FAF1: variants seen among roughly 807,000 people sequenced by gnomAD.
FAF1 encodes the protein FAS-associated factor 1.
Under a neutral mutation model 92.5 loss-of-function variants are expected in FAF1, and 25 were observed. The ratio of observed to expected loss-of-function variants is 0.27; its 90% CI spans 0.20 to 0.38. FAF1 has a LOEUF of 0.38. Ranked by LOEUF, FAF1 falls within the 10% of genes least tolerant of loss-of-function variation. The probability of loss-of-function intolerance (pLI) is 1.00; values close to 1 mark genes in which losing one functional copy is unlikely to be tolerated. For missense variants in FAF1, 636 were observed against 793.3 expected (o/e 0.80, Z 2.38); for synonymous variants, 234 against 273.2 (o/e 0.86, Z 1.42).
intron 7 of FAF1, among the ~76,000 whole-genome samples, chr1:50,672,823 T>C (rs917044593): frequency 6.6e-6 from 1 of 152,190 alleles, no homozygotes; most frequent in Non-Finnish European, 1.5e-5. Context: ...TAATGTTATT[T>C]TAAAGTAGTC....
intron 1 of FAF1, among the ~76,000 whole-genome samples, chr1:50,928,894 G>A (rs1452141480): frequency 6.6e-6 from 1 of 151,526 alleles, no homozygotes. Flanking sequence ...GACCAGCCTG[G>A]CCAACACGGT....
rs549548483 is a variant in FAF1 at position 50,815,460 on chromosome 1, T to G, written c.115-13783A>C. On this transcript the variant is annotated intron_variant, in intron 2 of 18. Transcript: ENST00000396153. ...TATGTACCATATTTTCATTATCCAC[T>G]CTGTTGATGGACACCTAGATTGATT... Among the ~76,000 whole-genome samples, 8 of 152,306 alleles carry G rather than the reference T, an allele frequency of 5.3e-5. No homozygotes were observed. In the South Asian group the frequency reaches 1.5e-3, roughly 28 times the overall value.
intron 4 of FAF1, among the ~76,000 whole-genome samples, chr1:50,760,872 C>A (rs945868082): frequency 6.6e-6 from 1 of 151,946 alleles, no homozygotes; most frequent in African/African-American, 2.4e-5. Context: ...ACACAAAAAA[C>A]CCTTCAAAAA....
intron 6 of FAF1, among the ~76,000 whole-genome samples, chr1:50,734,766 G>A (rs1405977984): frequency 6.6e-6 from 1 of 151,530 alleles, no homozygotes; most frequent in Non-Finnish European, 1.5e-5. Context: ...AAAAACACAT[G>A]TAGTAGTACA....
intron 12 of FAF1, chr1:50,582,267 C>CAAG (rs1287767704): frequency 9.9e-6 from 2 of 201,464 alleles, no homozygotes; most frequent in Admixed American, 1.1e-4. Context: ...CAGTGCTTCA[C>CAAG]AAGGCCTTCT....
chr1:50,796,577 G>A (rs1244132494), intron 3 of FAF1, among the ~76,000 whole-genome samples: 1 of 152,076 alleles, frequency 6.6e-6, no homozygotes, highest in Non-Finnish European at 1.5e-5. Context: ...CCTGGTAGAT[G>A]TGTTCTAGCT....
chr1:50,517,509 C>G (rs1329215496), intron 15 of FAF1, among the ~76,000 whole-genome samples: 1 of 152,124 alleles, frequency 6.6e-6, no homozygotes, highest in African/African-American at 2.4e-5. Context: ...ATGTTAATAG[C>G]AGGTAGGTAC....
intron 8 of FAF1, among the ~76,000 whole-genome samples, chr1:50,653,177 A>C (rs938037363): frequency 8.7e-4 from 123 of 142,172 alleles, no homozygotes; most frequent in African/African-American, 3.7e-3. Flanking sequence ...AAAAACAACA[A>C]AAAAAAAACC....
At chr1:50,909,554 C>T (rs989138811) in intron 1 of FAF1, among the ~76,000 whole-genome samples, 11 of 152,176 alleles carry the variant, frequency 7.2e-5, no homozygotes, top group Non-Finnish European at 8.8e-5. Context: ...TCCCATATTT[C>T]TTGGAGGCTT....
intron 1 of FAF1, among the ~76,000 whole-genome samples, chr1:50,868,737 T>G (rs2124677808): frequency 6.6e-6 from 1 of 152,328 alleles, no homozygotes; most frequent in Non-Finnish European, 1.5e-5. Context: ...TGCTGTTGAT[T>G]TGTAATTTAA....
intron 6 of FAF1, among the ~76,000 whole-genome samples, chr1:50,737,876 G>A (rs1297938313): frequency 6.6e-6 from 1 of 151,366 alleles, no homozygotes; most frequent in Non-Finnish European, 1.5e-5. Flanking sequence ...AAATCACCAA[G>A]TTGTTGTATT....
chr1:50,622,377 C>T (rs190426666), intron 8 of FAF1, among the ~76,000 whole-genome samples: 1 of 152,166 alleles, frequency 6.6e-6, no homozygotes, highest in East Asian at 1.9e-4. Context: ...AGCTTCCTCC[C>T]TTTTCAGCCT....
chr1:50,561,749 C>T (rs1572835257), intron 13 of FAF1, among the ~76,000 whole-genome samples: 1 of 152,086 alleles, frequency 6.6e-6, no homozygotes, highest in Admixed American at 6.5e-5. Context: ...TCACTTGAAC[C>T]TGGGAGGTGG....
chr1:50,655,573 T>A (rs1655070987), intron 7 of FAF1, 45 bp from the exon 8 acceptor site: 1 of 1,193,180 alleles, frequency 8.4e-7, no homozygotes, highest in Non-Finnish European at 1.2e-6. Context: ...AATTTTCACA[T>A]GACTTACAGT....
intron 6 of FAF1, among the ~76,000 whole-genome samples, chr1:50,713,377 G>T (rs963559245): frequency 6.6e-6 from 1 of 151,604 alleles, no homozygotes; most frequent in Non-Finnish European, 1.5e-5. Context: ...AGGATCAAGC[G>T]ATTCTCCTGC....
intron 7 of FAF1, among the ~76,000 whole-genome samples, chr1:50,695,206 G>A (rs1290658148): frequency 1.3e-5 from 2 of 151,834 alleles, no homozygotes; most frequent in African/African-American, 2.4e-5. Flanking sequence ...TCAGGAGTTC[G>A]AGACCAACCT....
At chr1:50,509,383 AG>A (rs1364005682) in intron 15 of FAF1, among the ~76,000 whole-genome samples, 1 of 151,508 alleles carries the variant, frequency 6.6e-6, no homozygotes, top group Non-Finnish European at 1.5e-5. Context: ...AGGTTGAGGC[AG>A]GAGGACTGTT....
chr1:50,477,086 G>T (rs1646647938), intron 17 of FAF1, among the ~76,000 whole-genome samples: 1 of 152,190 alleles, frequency 6.6e-6, no homozygotes, highest in African/African-American at 2.4e-5. Flanking sequence ...CACAAGTATG[G>T]ATAAGAAATT....
At chr1:50,629,161 C>CTTTT (rs759732173) in intron 8 of FAF1, among the ~76,000 whole-genome samples, 36 of 110,704 alleles carry the variant, frequency 3.3e-4, no homozygotes, top group African/African-American at 7.6e-4. Flanking sequence ...CAGATAGATG[C>CTTTT]TTTTTTTTTT....
Sources: allele counts gnomAD v4.1 joint callset (sites outside exome capture counted in the v4.1 genomes callset), GRCh38; gene constraint gnomAD v4.1.1; transcripts MANE v1.5; gene names NCBI Gene and HGNC (gene_info 2026-07-23, HGNC 2026-07-21).